Variants in PEX7 observed in about 807,000 individuals in gnomAD.
The protein encoded by PEX7 is peroxisomal biogenesis factor 7, also known as PTS2 receptor.
A neutral mutation model predicts 47.5 loss-of-function variants in PEX7; 34 were observed. The ratio of observed to expected loss-of-function variants is 0.72; its 90% CI spans 0.54 to 0.95. PEX7 has a LOEUF of 0.95. Among genes scored for constraint, PEX7 ranks in the 40% least tolerant of loss-of-function variants. PEX7 has a pLI of 0.00. For missense variants in PEX7, 394 were observed against 400.3 expected, an observed-to-expected ratio of 0.98 and a Z score of 0.13; for synonymous variants, 141 against 148.8, an observed-to-expected ratio of 0.95 and a Z score of 0.38.
intron 8 of PEX7, among the ~76,000 whole-genome samples, chr6:136,889,300 A>T (rs1204215516): frequency 6.6e-6 from 1 of 152,224 alleles, no homozygotes; most frequent in Non-Finnish European, 1.5e-5. Flanking sequence ...ATGAAACAAC[A>T]TATATTAATT....
At chr6:136,843,279 A>G (rs1382629969) in intron 3 of PEX7, among the ~76,000 whole-genome samples, 1 of 152,254 alleles carries the variant, frequency 6.6e-6, no homozygotes, top group African/African-American at 2.4e-5. Context: ...AATAAAATAC[A>G]TAAAGTGCTT....
chr6:136,823,560 C>G (rs1324543755), intron 1 of PEX7, among the ~76,000 whole-genome samples: 1 of 152,098 alleles, frequency 6.6e-6, no homozygotes, highest in African/African-American at 2.4e-5. Flanking sequence ...TCACTCCACT[C>G]CAGCCTGGGT....
intron 8 of PEX7, among the ~76,000 whole-genome samples, chr6:136,887,075 C>T (rs1775478505): frequency 6.6e-6 from 1 of 151,898 alleles, no homozygotes; most frequent in Non-Finnish European, 1.5e-5. Context: ...AAACCTGTTA[C>T]CAGGTGACCA....
At chr6:136,887,911 TAA>T (rs1248816171) in intron 8 of PEX7, among the ~76,000 whole-genome samples, 1 of 152,158 alleles carries the variant, frequency 6.6e-6, no homozygotes, top group East Asian at 1.9e-4. Flanking sequence ...CTTAAAATCT[TAA>T]AGCAGAGGAT....
chr6:136,857,314 A>G (rs1308343468), intron 5 of PEX7, among the ~76,000 whole-genome samples: 1 of 152,200 alleles, frequency 6.6e-6, no homozygotes, highest in Non-Finnish European at 1.5e-5. Flanking sequence ...AATATTTTTG[A>G]TAGTTATTAT....
At chr6:136,861,577 TG>T (rs1774964153) in intron 5 of PEX7, among the ~76,000 whole-genome samples, 2 of 152,040 alleles carry the variant, frequency 1.3e-5, no homozygotes, top group Non-Finnish European at 2.9e-5. Context: ...CTTAATTAAA[TG>T]GTTTTTTTTT....
chr6:136,860,409 C>CTTTTTT (rs386408726), intron 5 of PEX7, among the ~76,000 whole-genome samples: 4 of 113,936 alleles, frequency 3.5e-5, no homozygotes, highest in African/African-American at 1.0e-4. Flanking sequence ...AGCCATGGCT[C>CTTTTTT]TTTTTTTTTT....
At chr6:136,883,548 T>G (rs1253576326) in intron 8 of PEX7, among the ~76,000 whole-genome samples, 1 of 152,216 alleles carries the variant, frequency 6.6e-6, no homozygotes, top group Admixed American at 6.5e-5. Context: ...CCCTTCCTTC[T>G]TAGGGTTCAT....
intron 1 of PEX7, among the ~76,000 whole-genome samples, chr6:136,824,373 G>T (rs986685762): frequency 7.2e-5 from 11 of 151,814 alleles, no homozygotes; most frequent in Admixed American, 1.3e-4. Context: ...GCTAATTTTT[G>T]ATTTTTTATT....
chr6:136,846,243 A>C (rs1489556822), intron 5 of PEX7, 62 bp downstream of exon 5: 1 of 947,938 alleles, frequency 1.1e-6, no homozygotes, highest in East Asian at 2.4e-5. Context: ...TGTTTTTACC[A>C]TTAGGTGGCG....
intron 8 of PEX7, among the ~76,000 whole-genome samples, chr6:136,876,384 A>G (rs1420468225): frequency 6.6e-6 from 1 of 152,114 alleles, no homozygotes; most frequent in Non-Finnish European, 1.5e-5. Context: ...GCATGTGCAG[A>G]ACGTGCAGGT....
chr6:136,824,220 G>T (rs1774144858), intron 1 of PEX7, among the ~76,000 whole-genome samples: 1 of 151,890 alleles, frequency 6.6e-6, no homozygotes, highest in African/African-American at 2.4e-5. Flanking sequence ...TTTCTCTTTA[G>T]AGACAGGGTC....
intron 6 of PEX7, among the ~76,000 whole-genome samples, chr6:136,867,922 C>CCATTCACTCACTATT: frequency 6.6e-6 from 1 of 152,286 alleles, no homozygotes; most frequent in Non-Finnish European, 1.5e-5. Flanking sequence ...CTAGGCCTTT[C>CCATTCACTCACTATT]CATTCACTCA....
At chr6:136,909,018 A>C (rs1345151766) in intron 9 of PEX7, among the ~76,000 whole-genome samples, 2 of 152,034 alleles carry the variant, frequency 1.3e-5, no homozygotes, top group African/African-American at 4.8e-5. Context: ...TAATTCCTCT[A>C]TCATTTTACA....
intron 7 of PEX7, among the ~76,000 whole-genome samples, 174 bp downstream of exon 7, chr6:136,870,177 G>A (rs1302272281): frequency 6.6e-6 from 1 of 152,092 alleles, no homozygotes; most frequent in Non-Finnish European, 1.5e-5. Context: ...AAAAATATTT[G>A]AATAATGATT....
chr6:136,862,073 T>G (rs1184869), intron 5 of PEX7, among the ~76,000 whole-genome samples: 1 of 141,374 alleles, frequency 7.1e-6, no homozygotes, highest in African/African-American at 2.6e-5. Flanking sequence ...TATATATAGT[T>G]TTTTTTTTGG....
chr6:136,913,164 G>A (rs1285371624), intron 9 of PEX7, among the ~76,000 whole-genome samples: 1 of 152,206 alleles, frequency 6.6e-6, no homozygotes. Context: ...AGGGAATTAT[G>A]TAGCTGTTGG....
At chr6:136,832,750 C>T (rs1429137648) in intron 3 of PEX7, among the ~76,000 whole-genome samples, 4 of 152,200 alleles carry the variant, frequency 2.6e-5, no homozygotes, top group Admixed American at 6.5e-5. Context: ...CAAGCTTCCA[C>T]GGATCTCTAG....
At chr6:136,822,852 CG>C in intron 1 of PEX7, 57 bp downstream of exon 1, 1 of 839,508 alleles carries the variant, frequency 1.2e-6, no homozygotes, top group Non-Finnish European at 1.5e-6. Flanking sequence ...GGGGGCCAGC[CG>C]GGCTCCAGTT....
Sources: gnomAD v4.1 joint callset for allele counts (sites outside exome capture counted in the v4.1 genomes callset) on GRCh38, gnomAD v4.1.1 for gene constraint, MANE v1.5 for transcripts, NCBI Gene and HGNC (gene_info 2026-07-23, HGNC 2026-07-21) for gene names.